PCNT: variants seen among roughly 807,000 people sequenced by gnomAD.
The protein encoded by PCNT is pericentrin, also known as kendrin.
PCNT carries 319 observed loss-of-function variants against 380.4 expected under a neutral mutation model. The ratio of observed to expected loss-of-function variants is 0.84; its 90% CI spans 0.77 to 0.92. PCNT has a LOEUF of 0.92. Ranked by LOEUF, PCNT falls within the 40% of genes least tolerant of loss-of-function variation. The probability of loss-of-function intolerance (pLI) is 0.00; values close to 1 mark genes in which losing one functional copy is unlikely to be tolerated. For synonymous variants in PCNT, 1,845 were observed against 1,735.2 expected, an observed-to-expected ratio of 1.06 and a Z score of -1.57; for missense variants, 4,400 against 4,255.3, an observed-to-expected ratio of 1.03 and a Z score of -0.95.
intron 5 of PCNT, 35 bp from the exon 6 acceptor site, chr21:46,347,422 G>A (rs1313105681): frequency 5.0e-6 from 8 of 1,612,494 alleles, no homozygotes; most frequent in Non-Finnish European, 5.9e-6. Context: ...AGGTTGAGAT[G>A]GAGTGGCCTG....
intron 45 of PCNT, among the ~76,000 whole-genome samples, chr21:46,444,484 T>G (rs2053697760): frequency 1.3e-5 from 2 of 152,130 alleles, no homozygotes; most frequent in Non-Finnish European, 2.9e-5. Flanking sequence ...TACTCAACTC[T>G]GGAACATTGC....
At chr21:46,436,265 G>A (rs1601202229) in intron 39 of PCNT, 117 bp downstream of exon 39, 4 of 1,160,036 alleles carry the variant, frequency 3.4e-6, no homozygotes, top group Non-Finnish European at 5.0e-6. Flanking sequence ...TGCACTTAAC[G>A]CTCTAGTCCT....
chr21:46,393,989 G>A (rs1185910725), intron 21 of PCNT, among the ~76,000 whole-genome samples: 1 of 152,224 alleles, frequency 6.6e-6, no homozygotes, highest in African/African-American at 2.4e-5. Context: ...GCAGGCTCGG[G>A]CCAACTTTGT....
At chr21:46,424,705 T>A (rs1381864498) in intron 32 of PCNT, among the ~76,000 whole-genome samples, 1 of 22,858 alleles carries the variant, frequency 4.4e-5, no homozygotes, top group Non-Finnish European at 8.0e-5. Flanking sequence ...CCGGCCCTGC[T>A]CCCACTGCGC....
At chr21:46,357,800 G>A (rs1263074496) in intron 13 of PCNT, among the ~76,000 whole-genome samples, 1 of 152,178 alleles carries the variant, frequency 6.6e-6, no homozygotes, top group Non-Finnish European at 1.5e-5. Flanking sequence ...CACAAGCCCG[G>A]GTGCCAAGCA....
Position 46,416,551 on chromosome 21 carries a change from C to T in PCNT, c.6633C>T (p.Pro2211=), listed in dbSNP as rs587784316. The T allele has an allele frequency of 6.2e-7, 1 of 1,612,956 alleles. No homozygotes were observed. Among genetic ancestry groups the T allele is most frequent in the Middle Eastern group, 1.6e-4 (1 of 6,062 alleles). Residue 2211 remains proline, a synonymous_variant, in exon 30 of 47, where the codon CCC becomes CCT. Transcript: ENST00000359568. ...RHQSHTAEAG[P]RKSPVGMLDL... ...AGAGCCACACTGCAGAGGCTGGGCC[C>T]CGGAAGAGCCCGGTCGGGATGCTGG...
In PCNT at chr21:46,328,685, T is replaced by C. The variant is rs1024883509; in HGVS notation, c.267+2096T>C. The stretch of plus-strand genomic sequence containing the variant: ...CATGTTGGTCAGGCTGGTCTTCAAC[T>C]CCTGACCTCAAGCAATCCACCCACC... On this transcript the variant is annotated intron_variant, in intron 2 of 46. Transcript: ENST00000359568. 4.8e-4 allele frequency among the ~76,000 whole-genome samples: 73 copies of C among 152,240 alleles called. 1 individual carries two copies. The highest frequency in any genetic ancestry group is 4.8e-3 in the Admixed American group (73 of 15,294).
intron 19 of PCNT, 33 bp downstream of exon 19, chr21:46,389,464 T>G: frequency 1.3e-6 from 2 of 1,545,506 alleles, no homozygotes; most frequent in Non-Finnish European, 1.8e-6. Flanking sequence ...CCTGTGGAGA[T>G]GTGAACAACT....
At chr21:46,368,187 T>C (rs1395774497) in intron 15 of PCNT, among the ~76,000 whole-genome samples, 2 of 151,496 alleles carry the variant, frequency 1.3e-5, no homozygotes, top group Non-Finnish European at 2.9e-5. Flanking sequence ...AGCTCACACC[T>C]GTAATCCCAG....
Position 46,363,809 on chromosome 21 carries a change from C to T in PCNT, c.2484C>T (p.Leu828=). 1 of 1,613,084 alleles carries T rather than the reference C, an allele frequency of 6.2e-7. No individual in the cohort carries two copies. The highest frequency in any genetic ancestry group is 8.5e-7 in the Non-Finnish European group (1 of 1,179,418). Reference sequence around the variant, plus strand: ...GCCTGCAGCAGCTGGAACAGGACCTCACTTCAGACGACGCCCTGCATTGCA... The same window carrying T: ...GCCTGCAGCAGCTGGAACAGGACCTTACTTCAGACGACGCCCTGCATTGCA... The part of the protein sequence containing the change: ...QGRLQQLEQD[L]TSDDALHCSQ... Residue 828 remains leucine, a synonymous_variant, in exon 14 of 47, where the codon CTC becomes CTT. Coordinates refer to ENST00000359568, the MANE Select transcript of PCNT (RefSeq NM_006031.6).
At chr21:46,360,589 G>T (rs1209863338) in intron 13 of PCNT, among the ~76,000 whole-genome samples, 3 of 137,356 alleles carry the variant, frequency 2.2e-5, no homozygotes, top group African/African-American at 5.6e-5. Flanking sequence ...TGCGATATCC[G>T]CCCACTGCAA....
In PCNT at chr21:46,440,101, T is replaced by C; in HGVS notation, c.9292T>C (p.Trp3098Arg). 6.2e-7 allele frequency: 1 copy of C among 1,614,094 alleles called. No homozygotes were observed. The highest frequency in any genetic ancestry group is 8.5e-7 in the Non-Finnish European group (1 of 1,180,002). ...CSPSRSERSA[W>R]KPDETAPQSS... is the part of the protein sequence containing the mutation. ...CTTACAGAGGTCGGAAAGGTCTGCT[T>C]GGAAGCCAGACGAAACGGCTCCACA... is the stretch of plus-strand genomic sequence containing the variant. The change falls in exon 42 of 47, where the codon TGG (tryptophan) becomes CGG (arginine). Residue 3098 changes from tryptophan to arginine, a missense_variant. Physicochemically the swap from Trp to Arg is moderately radical, Grantham distance 101. Transcript: ENST00000359568.
chr21:46,442,703 TC>T, intron 44 of PCNT, 130 bp downstream of exon 44: 1 of 731,182 alleles, frequency 1.4e-6, no homozygotes, highest in Non-Finnish European at 2.4e-6. Flanking sequence ...ATCCGTGAAT[TC>T]CGTCAGAGCA....
At chr21:46,417,039 C>G (rs2087053864) in intron 30 of PCNT, among the ~76,000 whole-genome samples, 200 bp downstream of exon 30, 1 of 152,228 alleles carries the variant, frequency 6.6e-6, no homozygotes. Flanking sequence ...GCCTGAGATG[C>G]ATTTGCCTGC....
At chr21:46,397,567 C>T (rs2086250110) in intron 22 of PCNT, 73 bp downstream of exon 22, 9 of 1,257,922 alleles carry the variant, frequency 7.2e-6, no homozygotes, top group Admixed American at 5.4e-5. Flanking sequence ...CTTTCCAGAT[C>T]GTTACGTAAG....
intron 3 of PCNT, among the ~76,000 whole-genome samples, chr21:46,344,370 G>T (rs1041344131): frequency 6.6e-6 from 1 of 152,170 alleles, no homozygotes; most frequent in African/African-American, 2.4e-5. Context: ...CACCGCGCCC[G>T]GCCCGAGCTC....
intron 8 of PCNT, among the ~76,000 whole-genome samples, chr21:46,350,170 C>G (rs568773447): frequency 3.9e-5 from 6 of 152,062 alleles, no homozygotes; most frequent in African/African-American, 1.4e-4. Flanking sequence ...CAGCGAGCCT[C>G]CGTCTCAAAA....
intron 3 of PCNT, among the ~76,000 whole-genome samples, chr21:46,342,527 A>G (rs1392573141): frequency 6.7e-6 from 1 of 149,002 alleles, no homozygotes; most frequent in Admixed American, 6.7e-5. Context: ...TGTGTCATCA[A>G]TTCTTTCTTT....
chr21:46,426,060 G>C, intron 33 of PCNT, 89 bp downstream of exon 33: 1 of 706,656 alleles, frequency 1.4e-6, no homozygotes, highest in Non-Finnish European at 2.2e-6. Context: ...TGGACACTAG[G>C]ATTTCTTTCT....
Sources: allele counts gnomAD v4.1 joint callset (sites outside exome capture counted in the v4.1 genomes callset), GRCh38; gene constraint gnomAD v4.1.1; transcripts MANE v1.5; gene names NCBI Gene and HGNC (gene_info 2026-07-23, HGNC 2026-07-21).